Variants in ABLIM1 observed in about 807,000 individuals in gnomAD.
ABLIM1 encodes the protein actin binding LIM protein 1, also known as actin-binding LIM protein 1.
Under a neutral mutation model 107.0 loss-of-function variants are expected in ABLIM1, and 40 were observed. That is an observed-to-expected ratio of 0.37 (90% CI 0.29 to 0.49). ABLIM1 has a LOEUF of 0.49. Among genes scored for constraint, ABLIM1 ranks in the 20% least tolerant of loss-of-function variants. The pLI, the probability that ABLIM1 is intolerant of heterozygous loss-of-function variation, is 0.97. For missense variants in ABLIM1, 857 were observed against 1,008.5 expected (o/e 0.85, Z 2.04); for synonymous variants, 357 against 357.3 (o/e 1.00, Z 0.01).
chr10:114,465,895 T>C, intron 11 of ABLIM1, 68 bp from the exon 12 acceptor site: 23 of 1,539,754 alleles, frequency 1.5e-5, no homozygotes, highest in Non-Finnish European at 2.1e-5. Flanking sequence ...TCACAAACAC[T>C]GCCAAGGAAC....
At chr10:114,671,869 T>G (rs1591213) in intron 1 of ABLIM1, among the ~76,000 whole-genome samples, 82,587 of 151,864 alleles carry the variant, frequency 0.54, 22,537 homozygotes, top group East Asian at 0.66. Flanking sequence ...TCCTTTTTCA[T>G]ATTTTTTTTT....
chr10:114,571,401 G>A lies in ABLIM1; in HGVS notation c.569C>T (p.Pro190Leu), dbSNP rs200021566. 21 of 1,614,060 alleles carry A rather than the reference G, an allele frequency of 1.3e-5. No homozygotes were observed. Among genetic ancestry groups the A allele is most frequent in the Admixed American group, 5.0e-5 (3 of 60,020 alleles). The change falls in exon 4 of 23, where the codon CCG becomes CTG. Residue 190 changes from proline (P) to leucine (L), a missense_variant. Pro to Leu is a moderately conservative substitution (Grantham distance 98). Transcript: ENST00000533213. ...NCFACTICKR[P>L]FPPGDRVTFN... ...TGTGACTCGGTCTCCGGGTGGAAAC[G>A]GGCGCCTGGAGGCAGAAAGACATCG...
intron 8 of ABLIM1, among the ~76,000 whole-genome samples, chr10:114,486,674 T>G (rs1050576178): frequency 1.3e-5 from 2 of 152,112 alleles, no homozygotes; most frequent in Non-Finnish European, 2.9e-5. Context: ...CCTCTTTGGC[T>G]GTTCTTACCT....
intron 1 of ABLIM1, among the ~76,000 whole-genome samples, chr10:114,729,244 G>A (rs898908483): frequency 6.6e-6 from 1 of 152,000 alleles, no homozygotes; most frequent in East Asian, 1.9e-4. Context: ...CCACCATGAC[G>A]CTCCACATCC....
At chr10:114,642,537 TGA>T (rs894338124) in intron 1 of ABLIM1, among the ~76,000 whole-genome samples, 3 of 152,038 alleles carry the variant, frequency 2.0e-5, no homozygotes, top group African/African-American at 7.2e-5. Flanking sequence ...CCTCAAACAA[TGA>T]GAGAAAACAA....
chr10:114,577,861 T>C (rs1278290221), intron 2 of ABLIM1, among the ~76,000 whole-genome samples: 1 of 152,162 alleles, frequency 6.6e-6, no homozygotes, highest in African/African-American at 2.4e-5. Flanking sequence ...TAAAGGCATA[T>C]GCAACAAGCA....
chr10:114,688,649 G>C (rs1421346198), upstream of ABLIM1, among the ~76,000 whole-genome samples: 5 of 152,162 alleles, frequency 3.3e-5, no homozygotes, highest in Non-Finnish European at 7.3e-5. Context: ...GGCAATTAAA[G>C]AAAAGTTGAG....
chr10:114,704,302 C>CTCTCTATATATA (rs1380460034), intron 1 of ABLIM1, among the ~76,000 whole-genome samples: 2 of 43,088 alleles, frequency 4.6e-5, no homozygotes, highest in African/African-American at 8.3e-5. Context: ...CTCTCTCTCT[C>CTCTCTATATATA]TATATATATA....
At chr10:114,479,327 G>A (rs572228664) in intron 8 of ABLIM1, among the ~76,000 whole-genome samples, 109 of 152,262 alleles carry the variant, frequency 7.2e-4, no homozygotes, top group Middle Eastern at 3.4e-3. Context: ...CCTTTCATAC[G>A]TGAGCTACAC....
intron 12 of ABLIM1, among the ~76,000 whole-genome samples, chr10:114,463,791 T>C (rs1245534489): frequency 6.6e-6 from 1 of 152,144 alleles, no homozygotes; most frequent in Non-Finnish European, 1.5e-5. Flanking sequence ...ATCTGGCATC[T>C]AGAACTTGTG....
At position 114,610,129 on chromosome 10, in the gene ABLIM1, C is replaced by G. The variant is rs183018766; in HGVS notation, c.245-8168G>C. 5.0e-4 allele frequency among the ~76,000 whole-genome samples: 76 copies of G among 152,312 alleles called. 1 individual carries two copies. Among genetic ancestry groups the G allele is most frequent in the Non-Finnish European group, 8.7e-4 (59 of 68,036 alleles). On this transcript the variant is annotated intron_variant, in intron 1 of 22. Coordinates refer to ENST00000533213, the MANE Select transcript of ABLIM1 (RefSeq NM_002313.7). ...CTGCGTCATCATTCCAAAAGCAACA[C>G]CTGCTAGTCAATACGCAGATGAGGA... is the stretch of plus-strand genomic sequence containing the variant.
Position 114,708,305 on chromosome 10 carries a change from C to A in ABLIM1, c.-213+59756G>T, listed in dbSNP as rs1431525510. On this transcript the variant is annotated intron_variant, in intron 1 of 15. Coordinates refer to the ABLIM1 transcript ENST00000651092. ...ACACCCTCTGAAGGCCATTATGAATCTCTTGGTCTAAGAAAAACAGCCGCT... is the reference window on the plus strand; with the variant it reads ...ACACCCTCTGAAGGCCATTATGAATATCTTGGTCTAAGAAAAACAGCCGCT... Among the ~76,000 whole-genome samples the A allele has an allele frequency of 3.3e-5, 5 of 152,178 alleles. No individual in the cohort carries two copies. The East Asian group carries it at 9.6e-4, about 29-fold the overall frequency.
intron 8 of ABLIM1, among the ~76,000 whole-genome samples, chr10:114,478,346 C>T (rs548727952): frequency 2.0e-5 from 3 of 152,148 alleles, no homozygotes; most frequent in Non-Finnish European, 4.4e-5. Flanking sequence ...CTCTGCTACT[C>T]GCATCTTCAA....
At chr10:114,592,730 A>G (rs2075027071) in intron 2 of ABLIM1, among the ~76,000 whole-genome samples, 1 of 152,162 alleles carries the variant, frequency 6.6e-6, no homozygotes, top group African/African-American at 2.4e-5. Flanking sequence ...AGATGGGGCC[A>G]TCAGGATTTG....
chr10:114,584,299 C>T (rs2139359252), intron 2 of ABLIM1, among the ~76,000 whole-genome samples: 1 of 152,260 alleles, frequency 6.6e-6, no homozygotes, highest in South Asian at 2.1e-4. Context: ...ATACCAAATG[C>T]TTCCCATCTT....
At chr10:114,595,265 A>G (rs1192480799) in intron 2 of ABLIM1, 1 of 152,254 alleles carries the variant, frequency 6.6e-6, no homozygotes, top group Non-Finnish European at 1.5e-5. Flanking sequence ...AAAATGAACT[A>G]TAATTCACAT....
At chr10:114,494,509 T>G (rs554198204) in intron 6 of ABLIM1, among the ~76,000 whole-genome samples, 1 of 152,150 alleles carries the variant, frequency 6.6e-6, no homozygotes, top group Non-Finnish European at 1.5e-5. Flanking sequence ...CACTCCAGCC[T>G]GGGTGACAGA....
Position 114,441,795 on chromosome 10 carries a change from G to C in ABLIM1, c.1934-9C>G. 6.2e-7 allele frequency: 1 copy of C among 1,612,240 alleles called. No homozygotes were observed. The highest frequency in any genetic ancestry group is 8.5e-7 in the Non-Finnish European group (1 of 1,178,638). ...TGATGGAATATGTGAAGCTGAGTAAGAAAAAAGTAAAAAACCAATTGTTAG... is the reference window on the plus strand; with the variant it reads ...TGATGGAATATGTGAAGCTGAGTAACAAAAAAGTAAAAAACCAATTGTTAG... On this transcript the variant is annotated splice_polypyrimidine_tract_variant and intron_variant, in intron 17 of 22. Transcript: ENST00000533213.
At chr10:114,513,400 C>T (rs2062235765) in intron 6 of ABLIM1, among the ~76,000 whole-genome samples, 1 of 152,014 alleles carries the variant, frequency 6.6e-6, no homozygotes, top group South Asian at 2.1e-4. Flanking sequence ...AGTATTCTAC[C>T]ACCTCTTAAA....
Sources: allele counts gnomAD v4.1 joint callset (sites outside exome capture counted in the v4.1 genomes callset), GRCh38; gene constraint gnomAD v4.1.1; transcripts MANE v1.5; gene names NCBI Gene and HGNC (gene_info 2026-07-23, HGNC 2026-07-21).